The following QSER1 variants were observed in gnomAD, a reference collection of about 807,000 sequenced individuals.
The protein encoded by QSER1 is glutamine and serine rich 1.
In QSER1, 49 loss-of-function variants were observed where a neutral mutation model predicts 158.5. That is an observed-to-expected ratio of 0.31 (90% confidence interval 0.25 to 0.39). The LOEUF is 0.39. Ranked by LOEUF, QSER1 falls within the 10% of genes least tolerant of loss-of-function variation. The pLI, the probability that QSER1 is intolerant of heterozygous loss-of-function variation, is 1.00. For synonymous variants in QSER1, 650 were observed against 715.5 expected, an observed-to-expected ratio of 0.91 and a Z score of 1.46; for missense variants, 1,754 against 2,010.3, an observed-to-expected ratio of 0.87 and a Z score of 2.44.
rs371281813 is a variant in QSER1 at position 32,924,560 on chromosome 11, CAAAAAAAAAA to C, written c.210-2587_210-2578del. Among the ~76,000 whole-genome samples, 7 of 58,516 alleles carry C rather than the reference CAAAAAAAAAA, an allele frequency of 1.2e-4. No homozygotes were observed. The East Asian group carries it at 3.6e-3, about 30-fold the overall frequency. 38.4% of individuals were successfully genotyped at this position (58,516 alleles called of 152,430 possible). A position where few individuals can be genotyped will look rare whatever the true frequency, so the allele number is the denominator to read the frequency against. On this transcript the variant is annotated intron_variant, in intron 1 of 12. Coordinates refer to ENST00000650167, the MANE Select transcript of QSER1 (RefSeq NM_001076786.3). Reference sequence around the variant, plus strand: ...GGGTGACCGGAGTGAGACCCTGTCTCAAAAAAAAAAAAAAAAAAAGGAATAAATAAAGACA... The same window carrying C: ...GGGTGACCGGAGTGAGACCCTGTCTCAAAAAAAAAGGAATAAATAAAGACA...
intron 3 of QSER1, among the ~76,000 whole-genome samples, chr11:32,930,344 AC>A (rs1443659688): frequency 2.6e-5 from 4 of 152,178 alleles, no homozygotes; most frequent in African/African-American, 9.7e-5. Context: ...ATTATTTTAA[AC>A]ATTTCTAAGT....
At chr11:32,973,034 C>T (rs925634103) in intron 10 of QSER1, among the ~76,000 whole-genome samples, 1 of 152,162 alleles carries the variant, frequency 6.6e-6, no homozygotes, top group Non-Finnish European at 1.5e-5. Context: ...GCCTTGAAGC[C>T]AGAGACATTA....
In QSER1 at chr11:32,976,561, C is replaced by A; in HGVS notation, c.*87C>A. The A allele has an allele frequency of 1.4e-6, 2 of 1,424,340 alleles. No individual in the cohort carries two copies. Among genetic ancestry groups the A allele is most frequent in the Non-Finnish European group, 1.9e-6 (2 of 1,029,786 alleles). 88.2% of individuals were successfully genotyped at this position (1,424,340 alleles called of 1,614,324 possible). ...AAGATAATCAGATGTCAAGTAGTGG[C>A]CTTCTGCAGGCCGGCCGCTTCCATC... On this transcript the variant is annotated 3_prime_UTR_variant, in exon 13 of 13. Transcript: ENST00000650167.
At chr11:32,958,480 T>C (rs1223117343) in intron 8 of QSER1, among the ~76,000 whole-genome samples, 1 of 152,022 alleles carries the variant, frequency 6.6e-6, no homozygotes, top group Admixed American at 6.6e-5. Flanking sequence ...CTCGAACACC[T>C]GGGCTCGTAA....
intron 4 of QSER1, among the ~76,000 whole-genome samples, chr11:32,937,576 C>T (rs1247136279): frequency 6.6e-6 from 1 of 152,206 alleles, no homozygotes; most frequent in Non-Finnish European, 1.5e-5. Context: ...GCATGAGCCA[C>T]TGCGCCTGGC....
chr11:32,945,502 G>A (rs1852315545), intron 4 of QSER1, among the ~76,000 whole-genome samples: 1 of 152,018 alleles, frequency 6.6e-6, no homozygotes, highest in Non-Finnish European at 1.5e-5. Flanking sequence ...ATGAAGCTTA[G>A]TTTGGCTGGG....
chr11:32,922,041 A>G (rs775877292), intron 1 of QSER1, among the ~76,000 whole-genome samples: 19 of 152,222 alleles, frequency 1.2e-4, no homozygotes, highest in Non-Finnish European at 2.2e-4. Flanking sequence ...ACCATCGCAC[A>G]TTGAAATTTT....
Position 32,932,318 on chromosome 11 carries a change from C to G in QSER1, c.1060C>G (p.Gln354Glu), listed in dbSNP as rs750104601. 1 of 1,613,358 alleles carries G rather than the reference C, an allele frequency of 6.2e-7. No individual in the cohort carries two copies. The highest frequency in any genetic ancestry group is 8.5e-7 in the Non-Finnish European group (1 of 1,180,014). The change falls in exon 4 of 13, where the codon CAG becomes GAG. Residue 354 changes from glutamine to glutamate, a missense_variant. Physicochemically the swap from Gln to Glu is conservative, Grantham distance 29. This residue lies in a region of QSER1 where 1,707 missense variants were observed against 1,919.6 expected (regional missense o/e 0.89). Coordinates refer to ENST00000650167, the MANE Select transcript of QSER1 (RefSeq NM_001076786.3). ...ATCAAATTCAAGTGTAGTTAATTTTCAGGAAACAACCAGGCAGTCATCTTT... is the reference window on the plus strand; with the variant it reads ...ATCAAATTCAAGTGTAGTTAATTTTGAGGAAACAACCAGGCAGTCATCTTT... ...YLSNSSVVNF[Q>E]ETTRQSSLSC...
At chr11:32,968,965 T>G (rs1240727280) in intron 9 of QSER1, 81 bp from the exon 10 acceptor site, 1 of 730,914 alleles carries the variant, frequency 1.4e-6, no homozygotes, top group Non-Finnish European at 2.2e-6. Flanking sequence ...TTTTAATATA[T>G]AAATGTTTTG....
rs748838033 is a variant in QSER1, at chr11:32,957,965, T to A, written c.4848T>A (p.Val1616=). Residue 1616 remains valine, a synonymous_variant, in exon 8 of 13, where the codon GTT becomes GTA. Coordinates refer to ENST00000650167, the MANE Select transcript of QSER1 (RefSeq NM_001076786.3). ...AAGCCCCTTCCGTGAAACCCAAAGT[T>A]AAACAGCCAAAAGTAAAGGCTGAGC... ...TTKAPSVKPK[V]KQPKVKAEPP... is the part of the protein sequence containing the mutation. The A allele has an allele frequency of 8.7e-6, 14 of 1,613,890 alleles. No individual in the cohort carries two copies. In the South Asian group the frequency reaches 1.5e-4, roughly 18 times the overall value.
At chr11:32,913,163 A>T (rs2133511854) in intron 1 of QSER1, among the ~76,000 whole-genome samples, 3 of 114,124 alleles carry the variant, frequency 2.6e-5, no homozygotes, top group Admixed American at 8.6e-5. Context: ...CTTTCCCTGG[A>T]TAATTTCTCC....
chr11:32,974,865 A>G (rs888372885), intron 11 of QSER1, among the ~76,000 whole-genome samples: 8 of 152,206 alleles, frequency 5.3e-5, no homozygotes, highest in Admixed American at 5.2e-4. Context: ...TTACAAAATT[A>G]GTGTTATTAA....
rs867496954 is a variant in QSER1 at position 32,974,180 on chromosome 11, G to A, written c.5358+631G>A. ...TCAAGCCTATAATCCCAGCACTTTG[G>A]GAGGCTGAGGCAGGAGGATCACTTG... On this transcript the variant is annotated intron_variant, in intron 11 of 12. Transcript: ENST00000650167. Among the ~76,000 whole-genome samples the A allele has an allele frequency of 3.3e-4, 50 of 152,274 alleles. 1 individual carries two copies. Among genetic ancestry groups the A allele is most frequent in the Middle Eastern group, 6.8e-3 (2 of 294 alleles).
intron 1 of QSER1, among the ~76,000 whole-genome samples, chr11:32,908,660 G>T (rs949322092): frequency 6.6e-6 from 1 of 152,098 alleles, no homozygotes; most frequent in Admixed American, 6.5e-5. Flanking sequence ...TTGTTTATCC[G>T]AACTCTTTTG....
In QSER1 at chr11:32,896,525, T is replaced by C. The variant is rs563752538; in HGVS notation, c.209+3191T>C. ...CTAATTTTTGTATTTTTAGTAGAGATGGGGCTTCACCGCATTGGCCAGGCT... is the reference window on the plus strand; with the variant it reads ...CTAATTTTTGTATTTTTAGTAGAGACGGGGCTTCACCGCATTGGCCAGGCT... On this transcript the variant is annotated intron_variant, in intron 1 of 12. Coordinates refer to ENST00000650167, the MANE Select transcript of QSER1 (RefSeq NM_001076786.3). Among the ~76,000 whole-genome samples, 7 of 152,094 alleles carry C rather than the reference T, an allele frequency of 4.6e-5. No individual in the cohort carries two copies. The South Asian group carries it at 1.5e-3, about 32-fold the overall frequency.
At chr11:32,975,447 G>T in intron 12 of QSER1, 104 bp downstream of exon 12, 1 of 1,539,306 alleles carries the variant, frequency 6.5e-7, no homozygotes. Context: ...AAATACATGT[G>T]TGTATGTATT....
chr11:32,926,319 T>A (rs1334488268), intron 1 of QSER1, among the ~76,000 whole-genome samples: 1 of 152,180 alleles, frequency 6.6e-6, no homozygotes, highest in Non-Finnish European at 1.5e-5. Context: ...ATTACATGAT[T>A]ATTGAATTAA....
At chr11:32,955,095 G>C (rs1280428575) in intron 5 of QSER1, among the ~76,000 whole-genome samples, 1 of 152,136 alleles carries the variant, frequency 6.6e-6, no homozygotes, top group East Asian at 1.9e-4. Context: ...GTGTGCTAAT[G>C]AACTCCCTAT....
intron 1 of QSER1, among the ~76,000 whole-genome samples, chr11:32,910,248 C>T (rs1851749613): frequency 6.6e-6 from 1 of 152,134 alleles, no homozygotes; most frequent in South Asian, 2.1e-4. Context: ...CCTCTTTCTC[C>T]CATAATCTCT....
Sources: allele counts gnomAD v4.1 joint callset (sites outside exome capture counted in the v4.1 genomes callset), GRCh38; gene constraint gnomAD v4.1.1; regional missense constraint gnomAD v4.1.1; transcripts MANE v1.5; gene names NCBI Gene and HGNC (gene_info 2026-07-23, HGNC 2026-07-21).